NHSL1: variants seen among roughly 807,000 people sequenced by gnomAD.
The protein encoded by NHSL1 is NHS like 1.
A neutral mutation model predicts 95.0 loss-of-function variants in NHSL1; 48 were observed. That is an observed-to-expected ratio of 0.51 (90% CI 0.40 to 0.64). The LOEUF (loss-of-function observed/expected upper bound fraction) is 0.64. Among genes scored for constraint, NHSL1 ranks in the 30% least tolerant of loss-of-function variants. The pLI is 0.00. For missense variants in NHSL1, 1,971 were observed against 2,077.7 expected, an observed-to-expected ratio of 0.95 and a Z score of 1.00; for synonymous variants, 783 against 833.9, an observed-to-expected ratio of 0.94 and a Z score of 1.05.
chr6:138,667,865 C>T (rs940255589), intron 1 of NHSL1, among the ~76,000 whole-genome samples: 1 of 152,204 alleles, frequency 6.6e-6, no homozygotes. Context: ...TATGTACCAA[C>T]TGCTAACGGT....
intron 1 of NHSL1, among the ~76,000 whole-genome samples, chr6:138,601,888 A>C (rs78341456): frequency 0.024 from 3,654 of 152,296 alleles, 136 homozygotes; most frequent in African/African-American, 0.079. Flanking sequence ...TAACAAAAAC[A>C]AAAAACTAAG....
At chr6:138,651,258 A>C (rs1164650425) in intron 1 of NHSL1, among the ~76,000 whole-genome samples, 1 of 152,234 alleles carries the variant, frequency 6.6e-6, no homozygotes, top group African/African-American at 2.4e-5. Context: ...TCTTAGGAAA[A>C]GCAAAAACGT....
At chr6:138,478,890 A>C (rs1276722433) in intron 2 of NHSL1, among the ~76,000 whole-genome samples, 2 of 152,274 alleles carry the variant, frequency 1.3e-5, no homozygotes, top group South Asian at 2.1e-4. Flanking sequence ...CGAGGGACAA[A>C]CATTTCTTGG....
chr6:138,522,821 G>A (rs1026949438), intron 1 of NHSL1, among the ~76,000 whole-genome samples: 1 of 151,920 alleles, frequency 6.6e-6, no homozygotes, highest in African/African-American at 2.4e-5. Context: ...AAAAAAAAAA[G>A]TTTACTTTCT....
intron 1 of NHSL1, among the ~76,000 whole-genome samples, chr6:138,527,781 C>T (rs1358123600): frequency 6.6e-6 from 1 of 152,168 alleles, no homozygotes; most frequent in Non-Finnish European, 1.5e-5. Flanking sequence ...TGGGTCTAGC[C>T]AGGTTCCAGG....
At position 138,630,778 on chromosome 6, in the gene NHSL1, T is replaced by C. The variant is rs1405459839; in HGVS notation, c.96+61698A>G. On this transcript the variant is annotated intron_variant, in intron 1 of 3. Coordinates refer to the NHSL1 transcript ENST00000491526. ...GTATTTGTCACTCTCTAAATATGCT[T>C]GAGCTAAGAAATTTGCAATGGGAAG... 2.0e-5 allele frequency among the ~76,000 whole-genome samples: 3 copies of C among 152,186 alleles called. 1 individual carries two copies. Among genetic ancestry groups the C allele is most frequent in the African/African-American group, 7.2e-5 (3 of 41,450 alleles).
chr6:138,443,611 G>A (rs760077348), intron 4 of NHSL1, among the ~76,000 whole-genome samples: 16 of 152,170 alleles, frequency 1.1e-4, no homozygotes, highest in Non-Finnish European at 2.1e-4. Flanking sequence ...TGGATCACTT[G>A]AACTCAGGCG....
chr6:138,462,182 A>T (rs767415052), intron 3 of NHSL1, among the ~76,000 whole-genome samples: 2 of 152,218 alleles, frequency 1.3e-5, no homozygotes, highest in Non-Finnish European at 2.9e-5. Context: ...GGTAGTTTAT[A>T]AAGAGTAGAG....
intron 1 of NHSL1, among the ~76,000 whole-genome samples, chr6:138,566,377 G>A (rs759104379): frequency 6.6e-5 from 10 of 150,734 alleles, no homozygotes; most frequent in Non-Finnish European, 1.0e-4. Context: ...CAGCCTGGGC[G>A]ACAGAGCAAG....
At chr6:138,467,720 A>T (rs903645598) in intron 3 of NHSL1, among the ~76,000 whole-genome samples, 1 of 152,208 alleles carries the variant, frequency 6.6e-6, no homozygotes, top group African/African-American at 2.4e-5. Flanking sequence ...AAAAAAGTTT[A>T]AAAAGGAAAA....
At chr6:138,466,048 G>C (rs889247906) in intron 3 of NHSL1, among the ~76,000 whole-genome samples, 4 of 139,346 alleles carry the variant, frequency 2.9e-5, no homozygotes, top group Non-Finnish European at 3.1e-5. Flanking sequence ...TTTTGGGGGG[G>C]GGGCAGGGGG....
At chr6:138,583,147 C>T (rs4896375) in intron 1 of NHSL1, among the ~76,000 whole-genome samples, 58,473 of 151,990 alleles carry the variant, frequency 0.38, 12,797 homozygotes, top group African/African-American at 0.6. Flanking sequence ...GTCACCTTGG[C>T]GGTGACCTCC....
intron 1 of NHSL1, among the ~76,000 whole-genome samples, chr6:138,608,440 A>G (rs374015760): frequency 7.9e-5 from 12 of 152,348 alleles, no homozygotes; most frequent in African/African-American, 2.9e-4. Context: ...CAGTTGAAAC[A>G]GATAAAAAAT....
At chr6:138,564,651 TA>T (rs111960358) in intron 1 of NHSL1, among the ~76,000 whole-genome samples, 6,318 of 139,108 alleles carry the variant, frequency 0.045, 135 homozygotes, top group East Asian at 0.083. Context: ...GCCTTGGGGA[TA>T]AAAAAAAAAA....
rs560330392 is a variant in NHSL1 at position 138,471,140 on chromosome 6, AC to A, written c.339+2165del. 2.6e-3 allele frequency among the ~76,000 whole-genome samples: 399 copies of A among 152,260 alleles called. 1 individual carries two copies. The highest frequency in any genetic ancestry group is 8.8e-3 in the African/African-American group (367 of 41,544). On this transcript the variant is annotated intron_variant, in intron 3 of 7. Coordinates refer to ENST00000343505, the MANE Select transcript of NHSL1 (RefSeq NM_001144060.2). ...GTGGCAATGGTACAGAGGAGTAGAA[AC>A]TAATGCAGAGGCTAACTTCCCTCAG...
At chr6:138,550,019 C>G (rs1010020809), upstream of NHSL1, among the ~76,000 whole-genome samples, 1 of 152,102 alleles carries the variant, frequency 6.6e-6, no homozygotes, top group African/African-American at 2.4e-5. Context: ...GCAGGCTGAT[C>G]ACCTGAGGTA....
intron 2 of NHSL1, among the ~76,000 whole-genome samples, chr6:138,482,326 G>A (rs1015627282): frequency 4.0e-5 from 6 of 151,656 alleles, no homozygotes; most frequent in Admixed American, 1.3e-4. Flanking sequence ...GGTGCCTGTA[G>A]TCCCAGCTAC....
At position 138,519,838 on chromosome 6, in the gene NHSL1, T is replaced by C. The variant is rs138592990; in HGVS notation, c.17-23467A>G. On this transcript the variant is annotated intron_variant, in intron 1 of 4. Transcript: ENST00000342260. ...TTGGCAACTGTTTGTTCCATATTTA[T>C]ATTACTGAAATACTCTTTGTTTTAA... 6.3e-3 allele frequency among the ~76,000 whole-genome samples: 958 copies of C among 152,356 alleles called. 23 individuals carry two copies. The highest frequency in any genetic ancestry group is 0.048 in the Admixed American group (737 of 15,302).
chr6:138,485,667 A>T (rs970256017), intron 2 of NHSL1, among the ~76,000 whole-genome samples: 14 of 152,176 alleles, frequency 9.2e-5, no homozygotes, highest in African/African-American at 3.1e-4. Flanking sequence ...GGAGAAGTTA[A>T]ATAGCCCCTT....
Sources: gnomAD v4.1 joint callset for allele counts (sites outside exome capture counted in the v4.1 genomes callset) on GRCh38, gnomAD v4.1.1 for gene constraint, MANE v1.5 for transcripts, NCBI Gene and HGNC (gene_info 2026-07-23, HGNC 2026-07-21) for gene names.